Variants in TRRAP observed in about 807,000 individuals in gnomAD.
TRRAP encodes transformation/transcription domain associated protein, also known as transformation/transcription domain-associated protein.
A neutral mutation model predicts 438.8 loss-of-function variants in TRRAP; 41 were observed. The ratio of observed to expected loss-of-function variants is 0.09; its 90% CI spans 0.07 to 0.12. The LOEUF (loss-of-function observed/expected upper bound fraction) is 0.12. TRRAP is among the 10% of genes least tolerant of loss of function. The probability of loss-of-function intolerance (pLI) is 1.00; values close to 1 mark genes in which losing one functional copy is unlikely to be tolerated. For synonymous variants in TRRAP, 1,994 were observed against 1,962.9 expected (o/e 1.02, Z -0.42); for missense variants, 3,122 against 5,055.1 (o/e 0.62, Z 11.60).
In TRRAP at chr7:98,948,776, A is replaced by G. The variant is rs1791198298; in HGVS notation, c.4788+91A>G. 7 of 1,584,802 alleles carry G rather than the reference A, an allele frequency of 4.4e-6. No individual in the cohort carries two copies. In the Admixed American group the frequency reaches 1.0e-4, roughly 24 times the overall value. Reference sequence around the variant, plus strand: ...ATGTTCAGTTCATATTTCACTATTCAGTGTCCTGGCTGCTTTTTTTTCAGA... The same window carrying G: ...ATGTTCAGTTCATATTTCACTATTCGGTGTCCTGGCTGCTTTTTTTTCAGA... On this transcript the variant is annotated intron_variant, in intron 35 of 72. Coordinates refer to ENST00000456197, the MANE Select transcript of TRRAP (RefSeq NM_001375524.1). The surrounding 1 kb of genome is among the most constrained non-coding windows in gnomAD (Gnocchi z 4.9).
Position 99,011,971 on chromosome 7 carries a change from C to T in TRRAP, c.11338-100C>T. On this transcript the variant is annotated intron_variant, in intron 72 of 72. Coordinates refer to ENST00000456197, the MANE Select transcript of TRRAP (RefSeq NM_001375524.1). The surrounding 1 kb of genome is among the most constrained non-coding windows in gnomAD (Gnocchi z 7.1). Reference sequence around the variant, plus strand: ...TGAAACTCGACTGGCCCTTGGTGGCCCTGAGCGGCCGCTGTGGTTGAGTCC... The same window carrying T: ...TGAAACTCGACTGGCCCTTGGTGGCTCTGAGCGGCCGCTGTGGTTGAGTCC... 1 of 1,467,754 alleles carries T rather than the reference C, an allele frequency of 6.8e-7. No individual in the cohort carries two copies. Among genetic ancestry groups the T allele is most frequent in the African/African-American group, 1.4e-5 (1 of 72,094 alleles). 90.9% of individuals were successfully genotyped at this position (1,467,754 alleles called of 1,614,324 possible). A position where few individuals can be genotyped will look rare whatever the true frequency, so the allele number is the denominator to read the frequency against.
chr7:98,926,910 T>A (rs1554411664), intron 22 of TRRAP, among the ~76,000 whole-genome samples: 1 of 151,920 alleles, frequency 6.6e-6, no homozygotes, highest in Non-Finnish European at 1.5e-5. Context: ...TCCCAGCTAC[T>A]TGGGAGGCTG....
At chr7:98,889,022 T>A (rs1402507749) in intron 3 of TRRAP, among the ~76,000 whole-genome samples, 1 of 151,354 alleles carries the variant, frequency 6.6e-6, no homozygotes, top group Non-Finnish European at 1.5e-5. Flanking sequence ...TATACTTGAT[T>A]TGAATCCACT....
rs782646603 is a variant in TRRAP, at chr7:98,948,187, C to A, written c.4549-34C>A. ...GACCTCTGTCACTTGCAAAATTAAT[C>A]GACCTGTTTATAATTTCTGGTTTTC... is the stretch of plus-strand genomic sequence containing the variant. On this transcript the variant is annotated intron_variant, in intron 33 of 72. Transcript: ENST00000456197. The surrounding 1 kb of genome is among the most constrained non-coding windows in gnomAD (Gnocchi z 4.9). The A allele has an allele frequency of 3.1e-6, 5 of 1,612,390 alleles. No homozygotes were observed. Among genetic ancestry groups the A allele is most frequent in the Non-Finnish European group, 4.2e-6 (5 of 1,179,930 alleles).
chr7:98,975,720 A>C (rs567629076), intron 53 of TRRAP, among the ~76,000 whole-genome samples: 5 of 152,220 alleles, frequency 3.3e-5, no homozygotes, highest in Non-Finnish European at 7.3e-5. Context: ...GTTCTTCAGA[A>C]TAATACCTGT....
intron 70 of TRRAP, 51 bp downstream of exon 70, chr7:99,008,612 T>G: frequency 6.3e-7 from 1 of 1,591,142 alleles, no homozygotes; most frequent in Non-Finnish European, 8.6e-7. Context: ...AGCCCTCCTG[T>G]GTGGGGCAGT....
chr7:98,957,983 C>T lies in TRRAP; in HGVS notation c.6234C>T (p.Val2078=), dbSNP rs782186874. 7 of 1,613,854 alleles carry T rather than the reference C, an allele frequency of 4.3e-6. No homozygotes were observed. The highest frequency in any genetic ancestry group is 2.2e-5 in the South Asian group (2 of 90,998). ...FRTATGAISA[V]FGRSQSLPGA... is the part of the protein sequence containing the mutation. ...CCTGAAAGGAGGTCCTTTTCCAGGT[C>T]TTTGGGAGGAGCCAGTCGCTACCTG... Residue 2078 remains valine, a splice_region_variant and synonymous_variant, in exon 44 of 73, where the codon GTC becomes GTT. Coordinates refer to ENST00000456197, the MANE Select transcript of TRRAP (RefSeq NM_001375524.1).
chr7:98,999,428 A>C lies in TRRAP; in HGVS notation c.10309+4580A>C. ...CATGAGATCCAGCAGCTCCTCCAAA[A>C]TCTAGCTCTGATGGGAGGGGCTTGA... On this transcript the variant is annotated intron_variant, in intron 67 of 72. Coordinates refer to ENST00000456197, the MANE Select transcript of TRRAP (RefSeq NM_001375524.1). 6 of 1,022,786 alleles carry C rather than the reference A, an allele frequency of 5.9e-6. No homozygotes were observed. The East Asian group carries it at 9.7e-5, about 17-fold the overall frequency. 63.4% of individuals were successfully genotyped at this position (1,022,786 alleles called of 1,614,324 possible). A position where few individuals can be genotyped will look rare whatever the true frequency, so the allele number is the denominator to read the frequency against.
chr7:98,880,325 A>C (rs1795371539), intron 1 of TRRAP, among the ~76,000 whole-genome samples: 1 of 145,850 alleles, frequency 6.9e-6, no homozygotes, highest in Non-Finnish European at 1.5e-5. Context: ...GTGCAGTGGC[A>C]CAATCTTGGC....
In TRRAP at chr7:98,950,166, G is replaced by C. The variant is rs1554417905; in HGVS notation, c.5238G>C (p.Glu1746Asp). 7 of 1,614,202 alleles carry C rather than the reference G, an allele frequency of 4.3e-6. No individual in the cohort carries two copies. In the Admixed American group the frequency reaches 8.3e-5, roughly 19 times the overall value. The change falls in exon 38 of 73, where the codon GAG becomes GAC. Residue 1746 changes from glutamate to aspartate, a missense_variant. Glu to Asp is a conservative substitution (Grantham distance 45, BLOSUM62 2). Coordinates refer to ENST00000456197, the MANE Select transcript of TRRAP (RefSeq NM_001375524.1). ...MTFLKEYMEE[E>D]IPKNYSIAQK... The stretch of plus-strand genomic sequence containing the variant: ...TCTTAAAAGAGTATATGGAGGAAGA[G>C]ATTCCCAAAAATTACAGCATCGCTC...
Position 98,908,855 on chromosome 7 carries a change from A to G in TRRAP, c.1243A>G (p.Ile415Val). 6.2e-7 allele frequency: 1 copy of G among 1,613,862 alleles called. No homozygotes were observed. Residue 415 changes from isoleucine to valine, a missense_variant, in exon 14 of 73, where the codon ATC (isoleucine) becomes GTC (valine). Ile to Val is a conservative substitution (Grantham distance 29). Coordinates refer to ENST00000456197, the MANE Select transcript of TRRAP (RefSeq NM_001375524.1). This position sits in a 1 kb window ranked among gnomAD's most constrained non-coding sequence, Gnocchi z 4.1. ...NIDDESLPSS[I>V]QTMSCKLLLN... ...CGACGATGAGTCCCTGCCCAGCAGC[A>G]TCCAGACCATGTCCTGCAAGCTCCT...
chr7:98,977,792 C>T (rs1365864512), intron 56 of TRRAP, among the ~76,000 whole-genome samples: 5 of 152,242 alleles, frequency 3.3e-5, no homozygotes, highest in African/African-American at 1.2e-4. Flanking sequence ...GGCTCCTGCT[C>T]CGATTACTAA....
intron 65 of TRRAP, 83 bp downstream of exon 65, chr7:98,992,310 C>A: frequency 7.2e-7 from 1 of 1,398,442 alleles, no homozygotes; most frequent in South Asian, 1.2e-5. Context: ...ACCACCGCAG[C>A]CACCCCTGCC....
At chr7:98,914,125 A>C (rs1789409198) in intron 18 of TRRAP, among the ~76,000 whole-genome samples, 1 of 152,166 alleles carries the variant, frequency 6.6e-6, no homozygotes, top group Non-Finnish European at 1.5e-5. Flanking sequence ...GGTAGCTTAC[A>C]CCTATAATCT....
At chr7:98,966,285 G>A (rs542225444) in intron 49 of TRRAP, among the ~76,000 whole-genome samples, 28 of 151,912 alleles carry the variant, frequency 1.8e-4, no homozygotes, top group Non-Finnish European at 3.2e-4. Flanking sequence ...CAGCCTGGGC[G>A]ACAGAGCAAG....
Position 98,910,217 on chromosome 7 carries a change from T to TCCCCCCCCCCCCCCCCCCCCCC in TRRAP, c.1512_1513insCCCCCCCCCCCCCCCCCCCCCC (p.Ala505ProfsTer75). ...CTGCTCCCTCCCCAGCCCCTGTCCC[T>TCCCCCCCCCCCCCCCCCCCCCC]GCCCCACCTCCACCCCCGCCCCCAC... On this transcript the variant is annotated frameshift_variant, in exon 15 of 73. Coordinates refer to ENST00000456197, the MANE Select transcript of TRRAP (RefSeq NM_001375524.1). LOFTEE classifies it high-confidence loss of function. The TCCCCCCCCCCCCCCCCCCCCCC allele has an allele frequency of 1.9e-6, 2 of 1,045,586 alleles. No individual in the cohort carries two copies. The highest frequency in any genetic ancestry group is 1.2e-6 in the Non-Finnish European group (1 of 806,028). The allele number at this position is 1,045,586 out of a possible 1,614,324, so 64.8% of individuals were successfully genotyped here. A position where few individuals can be genotyped will look rare whatever the true frequency, so the allele number is the denominator to read the frequency against.
chr7:98,933,878 T>A (rs1401316928), intron 27 of TRRAP, among the ~76,000 whole-genome samples: 1 of 152,184 alleles, frequency 6.6e-6, no homozygotes, highest in African/African-American at 2.4e-5. Context: ...TTTGAAGGTG[T>A]GGAAACTGAG....
chr7:98,964,799 C>A, intron 48 of TRRAP, 24 bp downstream of exon 48: 2 of 1,603,908 alleles, frequency 1.2e-6, no homozygotes, highest in Non-Finnish European at 1.7e-6. Flanking sequence ...CACCGGGGGC[C>A]TTTCCTCAGA....
At chr7:98,910,948 G>A (rs1554408629) in intron 16 of TRRAP, 129 bp from the exon 17 acceptor site, 11 of 741,350 alleles carry the variant, frequency 1.5e-5, no homozygotes, top group South Asian at 3.1e-5. Context: ...AAAAGGTTTT[G>A]GAGGGGGACA....
Sources: allele counts gnomAD v4.1 joint callset (sites outside exome capture counted in the v4.1 genomes callset), GRCh38; gene constraint gnomAD v4.1.1; non-coding constraint Gnocchi (gnomAD v3.1); transcripts MANE v1.5; gene names NCBI Gene and HGNC (gene_info 2026-07-23, HGNC 2026-07-21).